EYS: variants seen among roughly 807,000 people sequenced by gnomAD.
The protein encoded by EYS is EGF-like photoreceptor maintenance factor, also known as protein eyes shut homolog.
A neutral mutation model predicts 282.1 loss-of-function variants in EYS; 250 were observed. That is an observed-to-expected ratio of 0.89 (90% confidence interval 0.80 to 0.98). The LOEUF (loss-of-function observed/expected upper bound fraction) is 0.98. Ranked by LOEUF, EYS falls within the 50% of genes least tolerant of loss-of-function variation. EYS has a pLI of 0.00. For missense variants in EYS, 4,016 were observed against 3,709.0 expected, an observed-to-expected ratio of 1.08 and a Z score of -2.15; for synonymous variants, 1,355 against 1,282.9, an observed-to-expected ratio of 1.06 and a Z score of -1.20.
At chr6:65,681,964 A>T (rs959189030) in intron 1 of EYS, among the ~76,000 whole-genome samples, 3 of 151,924 alleles carry the variant, frequency 2.0e-5, no homozygotes, top group Non-Finnish European at 4.4e-5. Flanking sequence ...CAGCAAACAC[A>T]GCCTAATCAC....
chr6:64,262,974 G>A (rs1040385458), intron 30 of EYS, among the ~76,000 whole-genome samples: 3 of 152,026 alleles, frequency 2.0e-5, no homozygotes, highest in African/African-American at 7.2e-5. Flanking sequence ...GATTTTTGGA[G>A]TCAGACTATT....
At chr6:64,343,970 T>C (rs1189239506) in intron 29 of EYS, among the ~76,000 whole-genome samples, 1 of 152,130 alleles carries the variant, frequency 6.6e-6, no homozygotes, top group Non-Finnish European at 1.5e-5. Flanking sequence ...AATGGATAAA[T>C]TCCTGGACAC....
intron 28 of EYS, among the ~76,000 whole-genome samples, chr6:64,401,791 A>G (rs752509799): frequency 2.0e-5 from 3 of 152,144 alleles, no homozygotes; most frequent in Non-Finnish European, 4.4e-5. Context: ...CACAGGTGAC[A>G]TGGAACTGTC....
intron 15 of EYS, among the ~76,000 whole-genome samples, chr6:64,930,208 T>C (rs1297149287): frequency 6.6e-6 from 1 of 152,048 alleles, no homozygotes; most frequent in Non-Finnish European, 1.5e-5. Context: ...CCTCAAATAA[T>C]AGATTATAAT....
At chr6:64,008,318 T>C (rs965608721) in intron 33 of EYS, among the ~76,000 whole-genome samples, 1 of 152,218 alleles carries the variant, frequency 6.6e-6, no homozygotes, top group African/African-American at 2.4e-5. Context: ...CCATTTTCTG[T>C]TTGCTTAGTA....
intron 7 of EYS, among the ~76,000 whole-genome samples, chr6:65,388,087 T>C (rs1765869204): frequency 6.6e-6 from 1 of 152,044 alleles, no homozygotes; most frequent in Non-Finnish European, 1.5e-5. Context: ...GACTACTTCA[T>C]ATGATGAATT....
intron 14 of EYS, among the ~76,000 whole-genome samples, chr6:64,994,182 T>C (rs1771171049): frequency 6.6e-6 from 1 of 152,058 alleles, no homozygotes. Context: ...TGTATTTTAT[T>C]ATATGCTAGA....
intron 29 of EYS, among the ~76,000 whole-genome samples, chr6:64,310,510 A>G (rs1227342888): frequency 6.6e-6 from 1 of 152,230 alleles, no homozygotes; most frequent in Non-Finnish European, 1.5e-5. Flanking sequence ...GTTCTCACTT[A>G]GAAGTGGAAG....
chr6:64,167,102 G>T (rs35111895), intron 31 of EYS, among the ~76,000 whole-genome samples: 2 of 152,170 alleles, frequency 1.3e-5, no homozygotes, highest in Non-Finnish European at 2.9e-5. Flanking sequence ...AAGTGAGAAA[G>T]ATTTCATTTA....
intron 7 of EYS, among the ~76,000 whole-genome samples, chr6:65,396,812 T>A (rs1766293803): frequency 6.6e-6 from 1 of 152,068 alleles, no homozygotes. Context: ...ACTTTCCAAA[T>A]GATTCAACAA....
chr6:64,833,029 C>G (rs994133670), intron 19 of EYS, among the ~76,000 whole-genome samples: 2 of 151,924 alleles, frequency 1.3e-5, no homozygotes, highest in African/African-American at 4.8e-5. Context: ...CCCATTCCAA[C>G]TCATAAGAAT....
chr6:65,049,877 G>A (rs567463194), intron 13 of EYS, among the ~76,000 whole-genome samples: 1 of 151,684 alleles, frequency 6.6e-6, no homozygotes, highest in African/African-American at 2.4e-5. Flanking sequence ...CAGCTGGGAT[G>A]GGCCGTACAT....
At chr6:64,192,765 T>G (rs183973401) in intron 31 of EYS, among the ~76,000 whole-genome samples, 1 of 152,354 alleles carries the variant, frequency 6.6e-6, no homozygotes, top group African/African-American at 2.4e-5. Flanking sequence ...CTCTTTCATT[T>G]TTTAAGTCAG....
intron 12 of EYS, among the ~76,000 whole-genome samples, chr6:65,125,394 C>T (rs1775690505): frequency 6.6e-6 from 1 of 152,132 alleles, no homozygotes; most frequent in African/African-American, 2.4e-5. Context: ...CCTTTGTCCC[C>T]CGCTGCCCAT....
At chr6:65,340,193 TTG>T (rs1770146851) in intron 10 of EYS, among the ~76,000 whole-genome samples, 1 of 151,146 alleles carries the variant, frequency 6.6e-6, no homozygotes, top group Admixed American at 6.6e-5. Flanking sequence ...CTCTTCTACT[TTG>T]TTTGAAATTC....
At chr6:65,607,856 T>C (rs1214554774) in intron 2 of EYS, among the ~76,000 whole-genome samples, 1 of 152,020 alleles carries the variant, frequency 6.6e-6, no homozygotes, top group African/African-American at 2.4e-5. Context: ...GAAAATTACA[T>C]TTCATCTTAT....
At chr6:65,377,252 A>G (rs1287067896) in intron 8 of EYS, among the ~76,000 whole-genome samples, 1 of 152,192 alleles carries the variant, frequency 6.6e-6, no homozygotes, top group Middle Eastern at 3.2e-3. Flanking sequence ...TTTTGTGGAA[A>G]CTGAACAACT....
intron 12 of EYS, among the ~76,000 whole-genome samples, chr6:65,213,898 C>T (rs1422948411): frequency 6.6e-6 from 1 of 151,910 alleles, no homozygotes; most frequent in African/African-American, 2.4e-5. Flanking sequence ...TGGTGGCTCA[C>T]GCCTGTAACC....
In EYS at chr6:65,492,101, A is replaced by T. The variant is rs1766067379; in HGVS notation, c.749-1394T>A. Among the ~76,000 whole-genome samples, 3 of 152,220 alleles carry T rather than the reference A, an allele frequency of 2.0e-5. No individual in the cohort carries two copies. The South Asian group carries it at 6.2e-4, about 31-fold the overall frequency. On this transcript the variant is annotated intron_variant, in intron 4 of 42. Coordinates refer to ENST00000503581, the MANE Select transcript of EYS (RefSeq NM_001142800.2). ...TACTTTGTTATGACAGCTCTAGCAA[A>T]TTAATGCAGTAAGCATTCTCAATTG...
Sources: gnomAD v4.1 joint callset for allele counts (sites outside exome capture counted in the v4.1 genomes callset) on GRCh38, gnomAD v4.1.1 for gene constraint, MANE v1.5 for transcripts, NCBI Gene and HGNC (gene_info 2026-07-23, HGNC 2026-07-21) for gene names.